The following KIAA1549L variants were observed in gnomAD, a reference collection of about 807,000 sequenced individuals.
KIAA1549L encodes the protein UPF0606 protein KIAA1549L.
In KIAA1549L, 88 loss-of-function variants were observed where a neutral mutation model predicts 160.7. That is an observed-to-expected ratio of 0.55 (90% CI 0.46 to 0.65). The LOEUF (loss-of-function observed/expected upper bound fraction) is 0.65, where lower values mean the gene tolerates loss of function less well. KIAA1549L is among the 30% of genes least tolerant of loss of function. The probability of loss-of-function intolerance (pLI) is 0.00; values close to 1 mark genes in which losing one functional copy is unlikely to be tolerated. For missense variants in KIAA1549L, 2,258 were observed against 2,437.5 expected (o/e 0.93, Z 1.55); for synonymous variants, 950 against 976.7 (o/e 0.97, Z 0.51).
intron 1 of KIAA1549L, among the ~76,000 whole-genome samples, chr11:33,393,410 C>T (rs959289671): frequency 6.6e-6 from 1 of 152,206 alleles, no homozygotes; most frequent in Non-Finnish European, 1.5e-5. Flanking sequence ...CTTCATCAGA[C>T]TGTGAACTCG....
At chr11:33,644,412 C>T (rs1209729963) in intron 16 of KIAA1549L, among the ~76,000 whole-genome samples, 1 of 152,136 alleles carries the variant, frequency 6.6e-6, no homozygotes, top group Non-Finnish European at 1.5e-5. Flanking sequence ...TGGGTGAATT[C>T]CCTCATTTAC....
chr11:33,522,613 A>G (rs1230718965), intron 1 of KIAA1549L, among the ~76,000 whole-genome samples: 1 of 152,192 alleles, frequency 6.6e-6, no homozygotes, highest in Non-Finnish European at 1.5e-5. Context: ...ATTAGAACCA[A>G]TCAGTATAAT....
intron 1 of KIAA1549L, among the ~76,000 whole-genome samples, chr11:33,407,115 C>T (rs1358341457): frequency 5.9e-5 from 7 of 119,428 alleles, no homozygotes; most frequent in East Asian, 2.8e-4. Flanking sequence ...GACGGAGTCT[C>T]GCTCTGTCGT....
chr11:33,454,519 C>T (rs1488586981), intron 1 of KIAA1549L, among the ~76,000 whole-genome samples: 1 of 152,164 alleles, frequency 6.6e-6, no homozygotes, highest in South Asian at 2.1e-4. Context: ...GGCTTCATTG[C>T]ATTAAGGGGC....
chr11:33,664,008 A>T (rs1295563471), intron 20 of KIAA1549L, among the ~76,000 whole-genome samples: 1 of 152,192 alleles, frequency 6.6e-6, no homozygotes, highest in African/African-American at 2.4e-5. Flanking sequence ...GGTGAGCCCA[A>T]TAACCTGTAC....
intron 1 of KIAA1549L, among the ~76,000 whole-genome samples, chr11:33,492,528 T>C (rs911890041): frequency 4.6e-5 from 7 of 152,208 alleles, no homozygotes; most frequent in African/African-American, 1.7e-4. Flanking sequence ...GTCATCTGAC[T>C]CCAAGTGGAA....
chr11:33,589,818 A>G (rs970942718), intron 11 of KIAA1549L, among the ~76,000 whole-genome samples: 1 of 152,154 alleles, frequency 6.6e-6, no homozygotes, highest in Non-Finnish European at 1.5e-5. Context: ...GTTAAATGAC[A>G]AGTTAATGGG....
At chr11:33,451,399 G>A (rs1998305) in intron 1 of KIAA1549L, among the ~76,000 whole-genome samples, 68,363 of 152,080 alleles carry the variant, frequency 0.45, 15,616 homozygotes, top group Admixed American at 0.49. Flanking sequence ...GGACAACATA[G>A]ACAACCAACC....
At chr11:33,566,126 C>A (rs1298295760) in intron 8 of KIAA1549L, among the ~76,000 whole-genome samples, 1 of 152,088 alleles carries the variant, frequency 6.6e-6, no homozygotes, top group African/African-American at 2.4e-5. Context: ...TATTGTATAA[C>A]CACCACTGCT....
rs751535717 is a variant in KIAA1549L at position 33,543,534 on chromosome 11, C to T, written c.1971C>T (p.Asp657=). The change falls in exon 2 of 21, where the codon GAC becomes GAT. Residue 657 remains aspartate, a synonymous_variant. Transcript: ENST00000658780. The part of the protein sequence containing the change: ...TKPEAYAAAV[D]HSGLPASASK... Reference sequence around the variant, plus strand: ...CAGAGGCTTATGCAGCTGCTGTGGACCATTCTGGGTTGCCAGCTTCAGCTT... The same window carrying T: ...CAGAGGCTTATGCAGCTGCTGTGGATCATTCTGGGTTGCCAGCTTCAGCTT... The T allele has an allele frequency of 3.1e-6, 5 of 1,614,026 alleles. 1 individual carries two copies. The South Asian group carries it at 5.5e-5, about 18-fold the overall frequency.
At chr11:33,480,940 C>T (rs994072916) in intron 1 of KIAA1549L, among the ~76,000 whole-genome samples, 2 of 152,190 alleles carry the variant, frequency 1.3e-5, no homozygotes, top group African/African-American at 2.4e-5. Flanking sequence ...CTCCACCCTC[C>T]GCTAAATCTA....
intron 6 of KIAA1549L, among the ~76,000 whole-genome samples, chr11:33,557,140 A>T (rs1015130699): frequency 6.6e-6 from 1 of 152,070 alleles, no homozygotes; most frequent in African/African-American, 2.4e-5. Context: ...GGCATGCAAC[A>T]TCATGCTTGG....
intron 10 of KIAA1549L, among the ~76,000 whole-genome samples, chr11:33,578,724 A>G (rs780967816): frequency 3.3e-5 from 5 of 152,062 alleles, no homozygotes; most frequent in African/African-American, 7.2e-5. Flanking sequence ...TCTCTCCTTC[A>G]TATCTAAAGC....
intron 1 of KIAA1549L, among the ~76,000 whole-genome samples, chr11:33,530,621 T>G (rs919821912): frequency 8.6e-5 from 13 of 151,574 alleles, no homozygotes; most frequent in African/African-American, 2.9e-4. Flanking sequence ...AGAACCCCCC[T>G]AAGTCCCATT....
At chr11:33,653,995 C>T (rs968778985) in intron 17 of KIAA1549L, among the ~76,000 whole-genome samples, 9 of 151,536 alleles carry the variant, frequency 5.9e-5, no homozygotes, top group East Asian at 1.9e-4. Context: ...TATTTTTAGA[C>T]GGAGTCTTGC....
At chr11:33,403,362 G>GACACAGAGAC (rs1214883759) in intron 1 of KIAA1549L, 4 of 27,416 alleles carry the variant, frequency 1.5e-4, no homozygotes, top group East Asian at 5.9e-4. Flanking sequence ...GACACACACA[G>GACACAGAGAC]ACACATGCAG....
At chr11:33,567,358 T>C (rs1590350824) in intron 8 of KIAA1549L, among the ~76,000 whole-genome samples, 1 of 152,230 alleles carries the variant, frequency 6.6e-6, no homozygotes, top group South Asian at 2.1e-4. Flanking sequence ...AGAGAAGGAC[T>C]TGGACTCAGA....
At chr11:33,546,434 C>G (rs867216601) in intron 3 of KIAA1549L, among the ~76,000 whole-genome samples, 1 of 152,144 alleles carries the variant, frequency 6.6e-6, no homozygotes, top group Admixed American at 6.5e-5. Context: ...CCAGCCCCCC[C>G]ACCAACCCAG....
At chr11:33,561,130 A>G (rs1266788895) in intron 7 of KIAA1549L, among the ~76,000 whole-genome samples, 1 of 152,230 alleles carries the variant, frequency 6.6e-6, no homozygotes, top group Non-Finnish European at 1.5e-5. Context: ...TACTAAACTT[A>G]AGTCCTTGAC....
Sources: gnomAD v4.1 joint callset for allele counts (sites outside exome capture counted in the v4.1 genomes callset) on GRCh38, gnomAD v4.1.1 for gene constraint, MANE v1.5 for transcripts, NCBI Gene and HGNC (gene_info 2026-07-23, HGNC 2026-07-21) for gene names.